Variants in UTRN observed in about 807,000 individuals in gnomAD.
UTRN encodes utrophin.
A neutral mutation model predicts 463.9 loss-of-function variants in UTRN; 283 were observed. The observed-to-expected ratio is 0.61, with a 90% CI of 0.55 to 0.67. The LOEUF is 0.67. Among genes scored for constraint, UTRN ranks in the 30% least tolerant of loss-of-function variants. The probability of loss-of-function intolerance (pLI) is 0.00; values close to 1 mark genes in which losing one functional copy is unlikely to be tolerated. For missense variants in UTRN, 3,922 were observed against 4,084.3 expected, an observed-to-expected ratio of 0.96 and a Z score of 1.08; for synonymous variants, 1,442 against 1,431.5, an observed-to-expected ratio of 1.01 and a Z score of -0.17.
intron 23 of UTRN, among the ~76,000 whole-genome samples, chr6:144,471,615 A>G (rs956306119): frequency 1.3e-5 from 2 of 152,174 alleles, no homozygotes; most frequent in African/African-American, 4.8e-5. Flanking sequence ...ATGTCTTCCC[A>G]AGAAGCCTTC....
chr6:144,434,476 G>A (rs962368231), intron 9 of UTRN, among the ~76,000 whole-genome samples: 1 of 152,228 alleles, frequency 6.6e-6, no homozygotes, highest in Non-Finnish European at 1.5e-5. Flanking sequence ...TAGTTGCAGG[G>A]AGGAGCCATC....
At position 144,537,700 on chromosome 6, in the gene UTRN, A is replaced by G. The variant is rs1224659251; in HGVS notation, c.6352A>G (p.Asn2118Asp). Residue 2118 changes from asparagine to aspartate, a missense_variant, in exon 44 of 75, where the codon AAC becomes GAC. Transcript: ENST00000367545. ...GAGATCAACCACCGAATTGGGAGAA[A>G]ACCTGCAAGAATTAAGAGTAAGTTG... ...QKRSTTELGE[N>D]LQELRDLTQE... 6.2e-7 allele frequency: 1 copy of G among 1,610,744 alleles called. No individual in the cohort carries two copies. The highest frequency in any genetic ancestry group is 8.5e-7 in the Non-Finnish European group (1 of 1,178,622).
chr6:144,775,098 T>G (rs1197143230), intron 60 of UTRN, among the ~76,000 whole-genome samples: 1 of 152,202 alleles, frequency 6.6e-6, no homozygotes, highest in Non-Finnish European at 1.5e-5. Context: ...TAGGGTAAAT[T>G]GAAAAGTTTC....
intron 58 of UTRN, among the ~76,000 whole-genome samples, chr6:144,765,586 C>CT (rs1291060534): frequency 1.3e-5 from 2 of 151,942 alleles, no homozygotes; most frequent in Admixed American, 1.3e-4. Context: ...GCTAATTGGA[C>CT]TTTTTTTAGA....
At chr6:144,592,030 G>C (rs1179284048) in intron 51 of UTRN, among the ~76,000 whole-genome samples, 1 of 152,114 alleles carries the variant, frequency 6.6e-6, no homozygotes, top group Non-Finnish European at 1.5e-5. Flanking sequence ...AGAAGTACGG[G>C]AAATGCAATT....
intron 50 of UTRN, among the ~76,000 whole-genome samples, chr6:144,563,146 C>T (rs1800085474): frequency 6.6e-6 from 1 of 152,044 alleles, no homozygotes; most frequent in Non-Finnish European, 1.5e-5. Context: ...GCCAGCTAGA[C>T]ATGTGGAATG....
intron 54 of UTRN, among the ~76,000 whole-genome samples, chr6:144,734,182 A>G (rs1182022740): frequency 1.3e-5 from 2 of 152,044 alleles, no homozygotes; most frequent in Non-Finnish European, 2.9e-5. Flanking sequence ...TGTCTCATGT[A>G]CCCCGTAAAT....
At chr6:144,410,000 A>G in intron 3 of UTRN, among the ~76,000 whole-genome samples, 1 of 152,162 alleles carries the variant, frequency 6.6e-6, no homozygotes, top group Non-Finnish European at 1.5e-5. Context: ...GTGAGAGACA[A>G]CTAGATGTGC....
At chr6:144,552,285 G>A (rs1032251789) in intron 48 of UTRN, among the ~76,000 whole-genome samples, 4 of 152,138 alleles carry the variant, frequency 2.6e-5, no homozygotes, top group Admixed American at 2.0e-4. Flanking sequence ...ATGTCTAACA[G>A]TGTTGGCTTA....
intron 52 of UTRN, among the ~76,000 whole-genome samples, chr6:144,682,649 T>C: frequency 6.6e-6 from 1 of 152,204 alleles, no homozygotes; most frequent in Non-Finnish European, 1.5e-5. Context: ...GCATTTGTTA[T>C]TGCCTGACTT....
chr6:144,835,984 A>G lies in UTRN; in HGVS notation c.9824+46A>G. On this transcript the variant is annotated intron_variant, in intron 70 of 74. Coordinates refer to ENST00000367545, the MANE Select transcript of UTRN (RefSeq NM_007124.3). Reference sequence around the variant, plus strand: ...GGAAATATGTCATCCTTTCTTTTGTATGAATTTCACTGTAGCCCCCATTTA... The same window carrying G: ...GGAAATATGTCATCCTTTCTTTTGTGTGAATTTCACTGTAGCCCCCATTTA... 2.5e-6 allele frequency: 4 copies of G among 1,599,898 alleles called. No individual in the cohort carries two copies. The Middle Eastern group carries it at 6.7e-4, about 268-fold the overall frequency.
At chr6:144,591,785 A>G (rs1215384929) in intron 51 of UTRN, among the ~76,000 whole-genome samples, 1 of 152,126 alleles carries the variant, frequency 6.6e-6, no homozygotes, top group Non-Finnish European at 1.5e-5. Context: ...TCTAGTATTA[A>G]TTATAGCCGG....
Position 144,294,061 on chromosome 6 carries a change from C to CT in UTRN, c.79+2164dup, listed in dbSNP as rs369160651. 7.7e-3 allele frequency among the ~76,000 whole-genome samples: 1,151 copies of CT among 148,558 alleles called. 13 individuals carry two copies. The highest frequency in any genetic ancestry group is 0.027 in the African/African-American group (1,097 of 40,684). On this transcript the variant is annotated intron_variant, in intron 2 of 74. Coordinates refer to ENST00000367545, the MANE Select transcript of UTRN (RefSeq NM_007124.3). ...GTCATCTTGGCATTTGAGATTATTA[C>CT]TTTTTTTTTTGCTGATTTATATTTT...
At chr6:144,294,618 G>T (rs945137763) in intron 2 of UTRN, among the ~76,000 whole-genome samples, 7 of 151,562 alleles carry the variant, frequency 4.6e-5, no homozygotes, top group South Asian at 2.1e-4. Flanking sequence ...GGATGAAAGT[G>T]GGGGGACGGA....
intron 51 of UTRN, among the ~76,000 whole-genome samples, chr6:144,665,318 ATT>A (rs1383942635): frequency 1.3e-5 from 2 of 152,088 alleles, no homozygotes; most frequent in African/African-American, 4.8e-5. Flanking sequence ...GTGAGGAAAT[ATT>A]TTTGCTTACA....
chr6:144,716,457 A>C (rs1320322776), intron 53 of UTRN, among the ~76,000 whole-genome samples: 2 of 152,286 alleles, frequency 1.3e-5, no homozygotes, highest in East Asian at 3.9e-4. Flanking sequence ...TTGAAGCAAA[A>C]TATAAAGGGA....
rs74544807 is a variant in UTRN at position 144,439,930 on chromosome 6, G to A, written c.1393-422G>A. ...CTAATCAGAGTAACTTTTGACTATC[G>A]TGTAGCATTCTACTTATCTCTTTAT... On this transcript the variant is annotated intron_variant, in intron 12 of 74. Coordinates refer to ENST00000367545, the MANE Select transcript of UTRN (RefSeq NM_007124.3). Among the ~76,000 whole-genome samples the A allele has an allele frequency of 4.9e-4, 75 of 152,218 alleles. 1 individual carries two copies. The highest frequency in any genetic ancestry group is 3.3e-3 in the East Asian group (17 of 5,190).
At chr6:144,464,114 C>A (rs1789694288) in intron 23 of UTRN, among the ~76,000 whole-genome samples, 1 of 151,736 alleles carries the variant, frequency 6.6e-6, no homozygotes, top group Non-Finnish European at 1.5e-5. Context: ...AGGAATATTG[C>A]CCCCAAAAAG....
rs571070069 is a variant in UTRN at position 144,509,504 on chromosome 6, C to T, written c.4765-1440C>T. 5.9e-5 allele frequency among the ~76,000 whole-genome samples: 9 copies of T among 151,994 alleles called. No homozygotes were observed. In the East Asian group the frequency reaches 1.7e-3, roughly 29 times the overall value. On this transcript the variant is annotated intron_variant, in intron 34 of 74. Transcript: ENST00000367545. ...ATATGCTCTTAAGTTTCCATTTAAT[C>T]TTATTTCAGAATTGAAATGATAAAG...
Sources: gnomAD v4.1 joint callset for allele counts (sites outside exome capture counted in the v4.1 genomes callset) on GRCh38, gnomAD v4.1.1 for gene constraint, MANE v1.5 for transcripts, NCBI Gene and HGNC (gene_info 2026-07-23, HGNC 2026-07-21) for gene names.